Variants in CARF observed in about 807,000 individuals in gnomAD.
CARF encodes the protein calcium-responsive transcription factor.
In CARF, 57 loss-of-function variants were observed where a neutral mutation model predicts 82.0. That is an observed-to-expected ratio of 0.70 (90% CI 0.56 to 0.87). The LOEUF (loss-of-function observed/expected upper bound fraction) is 0.87, where lower values mean the gene tolerates loss of function less well. CARF is among the 40% of genes least tolerant of loss of function. The probability of loss-of-function intolerance (pLI) is 0.00; values close to 1 mark genes in which losing one functional copy is unlikely to be tolerated. For missense variants in CARF, 771 were observed against 855.8 expected, an observed-to-expected ratio of 0.90 and a Z score of 1.24; for synonymous variants, 268 against 290.1, an observed-to-expected ratio of 0.92 and a Z score of 0.77.
intron 5 of CARF, among the ~76,000 whole-genome samples, chr2:202,945,638 G>T (rs2058461330): frequency 6.6e-6 from 1 of 152,156 alleles, no homozygotes; most frequent in South Asian, 2.1e-4. Flanking sequence ...CAAAAGACAT[G>T]ATCTTGTTCT....
intron 15 of CARF, 54 bp from the exon 16 acceptor site, chr2:202,982,018 A>T: frequency 6.5e-7 from 1 of 1,544,518 alleles, no homozygotes; most frequent in Non-Finnish European, 8.8e-7. Flanking sequence ...ATCCTATGAG[A>T]ATATCATACA....
At chr2:202,931,678 G>T (rs1692960191) in intron 3 of CARF, among the ~76,000 whole-genome samples, 1 of 151,702 alleles carries the variant, frequency 6.6e-6, no homozygotes, top group African/African-American at 2.4e-5. Context: ...TTGTGGATAG[G>T]TGCAGTGGTA....
At chr2:202,923,303 A>G (rs1691179553) in intron 2 of CARF, among the ~76,000 whole-genome samples, 1 of 152,178 alleles carries the variant, frequency 6.6e-6, no homozygotes. Context: ...TACACAATTA[A>G]TTTTGTGCGG....
At chr2:202,952,823 C>G in intron 6 of CARF, 144 bp downstream of exon 6, 1 of 808,088 alleles carries the variant, frequency 1.2e-6, no homozygotes, top group Non-Finnish European at 1.8e-6. Flanking sequence ...CAGCTCTTTG[C>G]CCAAATAAAT....
chr2:202,916,647 T>C (rs1383163054), intron 1 of CARF, among the ~76,000 whole-genome samples: 1 of 152,224 alleles, frequency 6.6e-6, no homozygotes, highest in African/African-American at 2.4e-5. Flanking sequence ...CTAAGGTTAT[T>C]GGTTGTAACA....
chr2:202,974,562 T>C, intron 13 of CARF, 66 bp downstream of exon 13: 1 of 1,428,418 alleles, frequency 7.0e-7, no homozygotes, highest in Non-Finnish European at 9.5e-7. Context: ...TTTAGTCTAA[T>C]AAGAATGGCT....
intron 8 of CARF, among the ~76,000 whole-genome samples, chr2:202,959,226 AATATTTTGATAGAGTTGTCT>A: frequency 1.1e-5 from 1 of 95,106 alleles, no homozygotes; most frequent in African/African-American, 3.3e-5. Context: ...ATTTGTGGTG[AATATTTTGATAGAGTTGTCT>A]AGGTTAGCAG....
chr2:202,970,001 G>C lies in CARF; in HGVS notation c.1036G>C (p.Glu346Gln), dbSNP rs1285999988. The change falls in exon 11 of 17, where the codon GAG (glutamate) becomes CAG (glutamine). Residue 346 changes from glutamate (E) to glutamine (Q), a missense_variant. By Grantham distance (29) the Glu-to-Gln change is conservative (BLOSUM62 2). Coordinates refer to ENST00000438828, the MANE Select transcript of CARF (RefSeq NM_024744.17). ...PKIDKKIIRMEQEKAFNMLKK... is the reference protein window; with the variant it reads ...PKIDKKIIRMQQEKAFNMLKK... ...AATTGACAAGAAAATTATCAGAATG[G>C]AGCAGGAGAAAGCTTTTAACATGCT... 6 of 1,580,300 alleles carry C rather than the reference G, an allele frequency of 3.8e-6. No homozygotes were observed. The South Asian group carries it at 7.2e-5, about 19-fold the overall frequency.
intron 5 of CARF, among the ~76,000 whole-genome samples, chr2:202,947,921 C>A (rs1026477877): frequency 7.9e-5 from 12 of 152,154 alleles, no homozygotes; most frequent in Non-Finnish European, 1.8e-4. Flanking sequence ...GTCATGAAAT[C>A]TTTGCCCATT....
intron 14 of CARF, 41 bp from the exon 15 acceptor site, chr2:202,981,514 G>A (rs762684269): frequency 5.2e-6 from 7 of 1,337,876 alleles, no homozygotes; most frequent in Non-Finnish European, 7.2e-6. Context: ...CTTCATAGAA[G>A]CCATAAAAAT....
chr2:202,955,925 G>A (rs1409746887), intron 8 of CARF, among the ~76,000 whole-genome samples, 167 bp downstream of exon 8: 1 of 152,124 alleles, frequency 6.6e-6, no homozygotes, highest in African/African-American at 2.4e-5. Context: ...GAGATTCTAA[G>A]CTCTGTTAAA....
At chr2:202,935,568 C>T (rs1693798506) in intron 3 of CARF, among the ~76,000 whole-genome samples, 1 of 151,570 alleles carries the variant, frequency 6.6e-6, no homozygotes, top group Non-Finnish European at 1.5e-5. Flanking sequence ...GGACTGCAGG[C>T]ACACACCACC....
At chr2:202,951,619 T>C (rs1461260081) in intron 5 of CARF, among the ~76,000 whole-genome samples, 2 of 152,122 alleles carry the variant, frequency 1.3e-5, no homozygotes, top group African/African-American at 4.8e-5. Context: ...AAAGTTTTTC[T>C]TCAACTTCAT....
At chr2:202,918,748 AT>A (rs1690233857) in intron 2 of CARF, among the ~76,000 whole-genome samples, 1 of 152,050 alleles carries the variant, frequency 6.6e-6, no homozygotes, top group Admixed American at 6.6e-5. Context: ...CATCCAAATT[AT>A]TTTTTTAAAG....
intron 3 of CARF, among the ~76,000 whole-genome samples, chr2:202,928,583 A>G (rs1049538575): frequency 6.6e-6 from 1 of 152,194 alleles, no homozygotes; most frequent in African/African-American, 2.4e-5. Flanking sequence ...AATTTACACC[A>G]ACAGTGTATG....
intron 6 of CARF, among the ~76,000 whole-genome samples, chr2:202,953,124 A>G (rs906653226): frequency 3.9e-5 from 6 of 152,060 alleles, no homozygotes; most frequent in African/African-American, 1.2e-4. Context: ...GGTTCAAGCA[A>G]TTCTCCTGCC....
chr2:202,977,834 A>T (rs1449491080), intron 14 of CARF, among the ~76,000 whole-genome samples: 1 of 152,000 alleles, frequency 6.6e-6, no homozygotes, highest in African/African-American at 2.4e-5. Context: ...CCCTATATAA[A>T]GTTAAACCTC....
chr2:202,974,414 A>G lies in CARF; in HGVS notation c.1412A>G (p.Asp471Gly). 2.5e-6 allele frequency: 4 copies of G among 1,611,618 alleles called. No homozygotes were observed. Among genetic ancestry groups the G allele is most frequent in the Non-Finnish European group, 3.4e-6 (4 of 1,179,238 alleles). ...TTATCTTTTTTTCCAACTGTAAATG[A>G]TATAAAAAATCACATCCATGAGGTA... The part of the protein sequence containing the change: ...HNLSFFPTVN[D>G]IKNHIHEVQK... Residue 471 changes from aspartate to glycine, a missense_variant, in exon 13 of 17, where the codon GAT (aspartate) becomes GGT (glycine). Coordinates refer to ENST00000438828, the MANE Select transcript of CARF (RefSeq NM_024744.17).
chr2:202,925,121 T>C, intron 3 of CARF: 1 of 376,286 alleles, frequency 2.7e-6, no homozygotes, highest in African/African-American at 2.1e-5. Flanking sequence ...CAGCTGAAGC[T>C]GGAGGCAGAA....
Sources: allele counts gnomAD v4.1 joint callset (sites outside exome capture counted in the v4.1 genomes callset), GRCh38; gene constraint gnomAD v4.1.1; transcripts MANE v1.5; gene names NCBI Gene and HGNC (gene_info 2026-07-23, HGNC 2026-07-21).